HS6ST2: variants seen among roughly 807,000 people sequenced by gnomAD.
HS6ST2 encodes heparan sulfate 6-O-sulfotransferase 2.
Under a neutral mutation model 33.0 loss-of-function variants are expected in HS6ST2, and 17 were observed. The observed-to-expected ratio is 0.52, with a 90% CI of 0.35 to 0.77. HS6ST2 has a LOEUF of 0.77. HS6ST2 is among the 30% of genes least tolerant of loss of function. HS6ST2 has a pLI of 0.01. For missense variants in HS6ST2, 519 were observed against 551.7 expected (o/e 0.94, Z 0.59); for synonymous variants, 248 against 237.1 (o/e 1.05, Z -0.42).
In HS6ST2 at chrX:132,644,281, A is replaced by G. The variant is rs1409374616; in HGVS notation, c.1068-15188T>C. Among the ~76,000 whole-genome samples, 8 of 109,575 alleles carry G rather than the reference A, an allele frequency of 7.3e-5. No individual in the cohort carries two copies. The Admixed American group carries it at 7.8e-4, about 11-fold the overall frequency. ...GTGGGAAGATAGGAGTGAGGGAGGGAGGGCTGATTAATCACAATGAGAAAT... is the reference window on the plus strand; with the variant it reads ...GTGGGAAGATAGGAGTGAGGGAGGGGGGGCTGATTAATCACAATGAGAAAT... On this transcript the variant is annotated intron_variant, in intron 4 of 4. Coordinates refer to ENST00000370833, the MANE Select transcript of HS6ST2 (RefSeq NM_001394073.1).
chrX:132,850,799 C>T (rs1194898474), intron 2 of HS6ST2, among the ~76,000 whole-genome samples: 1 of 111,489 alleles, frequency 9.0e-6, no homozygotes, highest in Non-Finnish European at 1.9e-5. Context: ...ATCATCAATA[C>T]AACCTGATAT....
At chrX:132,913,230 A>G (rs961404768) in intron 2 of HS6ST2, among the ~76,000 whole-genome samples, 10 of 111,816 alleles carry the variant, frequency 8.9e-5, no homozygotes, top group Admixed American at 8.5e-4. Flanking sequence ...AGAAGGCTGT[A>G]AAACTGTAGC....
rs1358253717 is a variant in HS6ST2, at chrX:132,628,201, T to A, written c.*22A>T. ...TTTCAGTGGCGCTTTGGGAGAAGTATGTACAGGCCTTTTTGAGCCATTTAA... is the reference window on the plus strand; with the variant it reads ...TTTCAGTGGCGCTTTGGGAGAAGTAAGTACAGGCCTTTTTGAGCCATTTAA... On this transcript the variant is annotated 3_prime_UTR_variant, in exon 5 of 5. Transcript: ENST00000370833. 3 of 1,060,676 alleles carry A rather than the reference T, an allele frequency of 2.8e-6. No individual in the cohort carries two copies. The Middle Eastern group carries it at 7.6e-4, about 267-fold the overall frequency. The allele number at this position is 1,060,676 out of a possible 1,213,427, so 87.4% of individuals were successfully genotyped here.
At chrX:132,842,252 C>A (rs1307161191) in intron 2 of HS6ST2, among the ~76,000 whole-genome samples, 1 of 111,809 alleles carries the variant, frequency 8.9e-6, no homozygotes, top group African/African-American at 3.3e-5. Flanking sequence ...TTTTCCACCT[C>A]TCTGTGGGAA....
Position 132,629,076 on chromosome X carries a change from G to A in HS6ST2, c.1085C>T (p.Thr362Ile). 8.4e-7 allele frequency: 1 copy of A among 1,196,750 alleles called. No homozygotes were observed. The highest frequency in any genetic ancestry group is 1.8e-5 in the South Asian group (1 of 54,562). ...SKSGKNFHYI[T>I]ILRDPVSRYL... is the part of the protein sequence containing the mutation. ...CCGGGACACTGGGTCTCGGAGGATG[G>A]TGATGTAGTGGAAGTTCCTATGGAT... Residue 362 changes from threonine to isoleucine, a missense_variant, in exon 5 of 5, where the codon ACC becomes ATC. Coordinates refer to ENST00000370833, the MANE Select transcript of HS6ST2 (RefSeq NM_001394073.1).
At chrX:132,930,127 G>C (rs1227640524) in intron 2 of HS6ST2, among the ~76,000 whole-genome samples, 2 of 109,502 alleles carry the variant, frequency 1.8e-5, no homozygotes, top group Non-Finnish European at 3.8e-5. Flanking sequence ...TTTTTTTTTC[G>C]CTTTGCTTTT....
At chrX:132,772,838 A>T (rs2064917716) in intron 2 of HS6ST2, among the ~76,000 whole-genome samples, 1 of 86,464 alleles carries the variant, frequency 1.2e-5, no homozygotes, top group South Asian at 5.2e-4. Flanking sequence ...TCTATAATAT[A>T]AAATATAACA....
chrX:132,660,348 G>A (rs1279837867), intron 4 of HS6ST2, among the ~76,000 whole-genome samples: 3 of 111,007 alleles, frequency 2.7e-5, no homozygotes, highest in Non-Finnish European at 5.7e-5. Flanking sequence ...AGGGAGAGCC[G>A]GTAACCTTCC....
chrX:132,958,950 C>T (rs190597762), upstream of HS6ST2: 6 of 212,586 alleles, frequency 2.8e-5, no homozygotes, highest in Admixed American at 3.3e-4. Context: ...TTTTAGAGCA[C>T]AGACTGTCTT....
In HS6ST2 at chrX:132,958,463, G is replaced by T; in HGVS notation, c.140C>A (p.Ala47Asp). 2.5e-6 allele frequency: 3 copies of T among 1,198,469 alleles called. No individual in the cohort carries two copies. The highest frequency in any genetic ancestry group is 3.4e-6 in the Non-Finnish European group (3 of 890,825). ...AGGAGGGCCCGCGCGAACTGAGGCG[G>T]CGACCGACCCGGGCCGGCTCGCTGC... Reference protein sequence around the residue: ...ELAASRPGSVAASVRAGPPRG... With the variant: ...ELAASRPGSVDASVRAGPPRG... Residue 47 changes from alanine to aspartate, a missense_variant, in exon 1 of 5, where the codon GCC (alanine) becomes GAC (aspartate). Physicochemically the swap from Ala to Asp is moderately radical, Grantham distance 126. Coordinates refer to ENST00000370833, the MANE Select transcript of HS6ST2 (RefSeq NM_001394073.1).
intron 4 of HS6ST2, among the ~76,000 whole-genome samples, chrX:132,630,315 G>A (rs1332253107): frequency 8.9e-6 from 1 of 112,333 alleles, no homozygotes; most frequent in Non-Finnish European, 1.9e-5. Context: ...TGAGGGAGTG[G>A]TTGTTCTCTA....
intron 2 of HS6ST2, among the ~76,000 whole-genome samples, chrX:132,750,040 T>TAACC (rs1051628564): frequency 2.7e-5 from 3 of 109,637 alleles, no homozygotes; most frequent in Non-Finnish European, 5.7e-5. Context: ...CAAAGCAAAT[T>TAACC]AACCGGGGTG....
At chrX:132,808,359 C>T (rs956689450) in intron 2 of HS6ST2, among the ~76,000 whole-genome samples, 6 of 111,495 alleles carry the variant, frequency 5.4e-5, no homozygotes, top group Admixed American at 1.9e-4. Context: ...TTCCTGTAAC[C>T]GAAGGCCACA....
chrX:132,942,240 G>C (rs1411296349), intron 2 of HS6ST2, among the ~76,000 whole-genome samples: 2 of 111,995 alleles, frequency 1.8e-5, no homozygotes, highest in Non-Finnish European at 3.8e-5. Context: ...TGTTTTGTCA[G>C]TTAATCTTCC....
intron 4 of HS6ST2, among the ~76,000 whole-genome samples, chrX:132,630,969 A>G (rs1160512851): frequency 9.0e-6 from 1 of 111,326 alleles, no homozygotes; most frequent in East Asian, 2.8e-4. Context: ...TCCCCCAAAA[A>G]TGTGTGATAC....
At chrX:132,746,176 C>T (rs1434615502) in intron 2 of HS6ST2, among the ~76,000 whole-genome samples, 2 of 111,289 alleles carry the variant, frequency 1.8e-5, no homozygotes, top group African/African-American at 3.3e-5. Flanking sequence ...AGAATGAAAA[C>T]CAAGCTATAG....
At chrX:132,923,797 T>G (rs926226427) in intron 2 of HS6ST2, among the ~76,000 whole-genome samples, 3 of 110,746 alleles carry the variant, frequency 2.7e-5, no homozygotes, top group Non-Finnish European at 3.8e-5. Context: ...GTCCAAGGAA[T>G]AGTGCCATAC....
Position 132,699,200 on chromosome X carries a change from T to C in HS6ST2, c.980+9262A>G, listed in dbSNP as rs1324435599. On this transcript the variant is annotated intron_variant, in intron 3 of 4. Coordinates refer to ENST00000370833, the MANE Select transcript of HS6ST2 (RefSeq NM_001394073.1). ...TCAGAGATCCTGTGCTTGAGATTGT[T>C]GTAGGACAGAAAGCTAGGGGCCTCT... Among the ~76,000 whole-genome samples, 7 of 111,879 alleles carry C rather than the reference T, an allele frequency of 6.3e-5. No homozygotes were observed. The East Asian group carries it at 2.0e-3, about 32-fold the overall frequency.
rs1211414877 is a variant in HS6ST2 at position 132,629,055 on chromosome X, G to A, written c.1106C>T (p.Ser369Phe). ...ATGCCTCCACTCACTCAAGTACCGGGACACTGGGTCTCGGAGGATGGTGAT... is the reference window on the plus strand; with the variant it reads ...ATGCCTCCACTCACTCAAGTACCGGAACACTGGGTCTCGGAGGATGGTGAT... ...HYITILRDPV[S>F]RYLSEWRHVQ... The change falls in exon 5 of 5, where the codon TCC (serine) becomes TTC (phenylalanine). Residue 369 changes from serine (S) to phenylalanine (F), a missense_variant. Ser to Phe is a radical substitution (Grantham distance 155). Coordinates refer to ENST00000370833, the MANE Select transcript of HS6ST2 (RefSeq NM_001394073.1). The A allele has an allele frequency of 2.5e-6, 3 of 1,202,730 alleles. No homozygotes were observed. The highest frequency in any genetic ancestry group is 3.6e-5 in the South Asian group (2 of 55,369).
Sources: gnomAD v4.1 joint callset for allele counts (sites outside exome capture counted in the v4.1 genomes callset) on GRCh38, gnomAD v4.1.1 for gene constraint, MANE v1.5 for transcripts, NCBI Gene and HGNC (gene_info 2026-07-23, HGNC 2026-07-21) for gene names.